The following MACROD1 variants were observed in gnomAD, a reference collection of about 807,000 sequenced individuals.
The protein encoded by MACROD1 is ADP-ribose glycohydrolase MACROD1.
In MACROD1, 31 loss-of-function variants were observed where a neutral mutation model predicts 41.4. The observed-to-expected ratio is 0.75, with a 90% confidence interval of 0.56 to 1.01. MACROD1 has a LOEUF of 1.01. Among genes scored for constraint, MACROD1 ranks in the 50% least tolerant of loss-of-function variants. The pLI is 0.00. For synonymous variants in MACROD1, 252 were observed against 203.4 expected (o/e 1.24, Z -2.03); for missense variants, 473 against 460.0 (o/e 1.03, Z -0.26).
rs1022238367 is a variant in MACROD1, at chr11:64,153,392, C to T, written c.299-999G>A. Among the ~76,000 whole-genome samples the T allele has an allele frequency of 7.9e-5, 12 of 152,128 alleles. 1 individual carries two copies. The highest frequency in any genetic ancestry group is 3.9e-4 in the East Asian group (2 of 5,182). On this transcript the variant is annotated intron_variant, in intron 1 of 10. Coordinates refer to ENST00000255681, the MANE Select transcript of MACROD1 (RefSeq NM_014067.4). ...AAAAGCATCAAAAAATATGTAGAGGCGGGAGAGCAATTAGAGGAGGTGGTG... is the reference window on the plus strand; with the variant it reads ...AAAAGCATCAAAAAATATGTAGAGGTGGGAGAGCAATTAGAGGAGGTGGTG...
intron 4 of MACROD1, among the ~76,000 whole-genome samples, chr11:64,010,921 A>G (rs1268208035): frequency 5.9e-4 from 35 of 59,226 alleles, no homozygotes; most frequent in East Asian, 1.6e-3. Flanking sequence ...GGTGTTGGCC[A>G]GGGTGTTGGC....
At chr11:64,021,099 G>A (rs569270283) in intron 3 of MACROD1, among the ~76,000 whole-genome samples, 1 of 152,320 alleles carries the variant, frequency 6.6e-6, no homozygotes, top group East Asian at 1.9e-4. Context: ...CACAGCGCCT[G>A]GCTCACAGCA....
Position 64,154,760 on chromosome 11 carries a change from G to A in MACROD1, c.299-2367C>T, listed in dbSNP as rs567237203. On this transcript the variant is annotated intron_variant, in intron 1 of 10. Coordinates refer to ENST00000255681, the MANE Select transcript of MACROD1 (RefSeq NM_014067.4). Reference sequence around the variant, plus strand: ...TTTTGAGACGGAGTCTCACTCTGTCGCCCAGGCTGGAGTGCAGTGGCACGA... The same window carrying A: ...TTTTGAGACGGAGTCTCACTCTGTCACCCAGGCTGGAGTGCAGTGGCACGA... 2.8e-4 allele frequency among the ~76,000 whole-genome samples: 43 copies of A among 152,046 alleles called. No homozygotes were observed. In the South Asian group the frequency reaches 3.7e-3, roughly 13 times the overall value.
At position 64,025,993 on chromosome 11, in the gene MACROD1, C is replaced by T. The variant is rs144420008; in HGVS notation, c.518-10712G>A. 5.2e-3 allele frequency among the ~76,000 whole-genome samples: 792 copies of T among 152,246 alleles called. 8 individuals are homozygous for T. Among genetic ancestry groups the T allele is most frequent in the Non-Finnish European group, 9.4e-3 (641 of 68,022 alleles). Reference sequence around the variant, plus strand: ...GTCAAGAGTTCGAGATCAGCCTGGCCAACATGGTGAAACCCCGTCTCTACT... The same window carrying T: ...GTCAAGAGTTCGAGATCAGCCTGGCTAACATGGTGAAACCCCGTCTCTACT... On this transcript the variant is annotated intron_variant, in intron 3 of 10. Transcript: ENST00000255681.
rs992594968 is a variant in MACROD1 at position 64,082,264 on chromosome 11, T to TG, written c.518-66984dup. On this transcript the variant is annotated intron_variant, in intron 3 of 10. Transcript: ENST00000255681. This position sits in a 1 kb window ranked among gnomAD's most constrained non-coding sequence, Gnocchi z 4.5. The stretch of plus-strand genomic sequence containing the variant: ...CTGCTTAGCAGAGGATGGCTGAGCC[T>TG]GGGGGGTGGAGAAAATCTTGCCTCC... 1.3e-4 allele frequency among the ~76,000 whole-genome samples: 20 copies of TG among 151,778 alleles called. No homozygotes were observed. Among genetic ancestry groups the TG allele is most frequent in the African/African-American group, 4.6e-4 (19 of 41,284 alleles).
At chr11:64,101,542 C>T (rs1048613416) in intron 3 of MACROD1, among the ~76,000 whole-genome samples, 11 of 152,196 alleles carry the variant, frequency 7.2e-5, no homozygotes, top group East Asian at 1.9e-4. Flanking sequence ...CCACCCCCAT[C>T]GGTATAAAAC....
Position 64,082,436 on chromosome 11 carries a change from G to C in MACROD1, c.518-67155C>G, listed in dbSNP as rs540415379. ...GCGTCCTAAGGTGAGGGGCAGGCAG[G>C]TGAGGGGCTTGAGGGCAGGGCTGAG... is the stretch of plus-strand genomic sequence containing the variant. On this transcript the variant is annotated intron_variant, in intron 3 of 10. Coordinates refer to ENST00000255681, the MANE Select transcript of MACROD1 (RefSeq NM_014067.4). This position sits in a 1 kb window ranked among gnomAD's most constrained non-coding sequence, Gnocchi z 4.5. Among the ~76,000 whole-genome samples, 1 of 152,182 alleles carries C rather than the reference G, an allele frequency of 6.6e-6. No homozygotes were observed. The highest frequency in any genetic ancestry group is 1.9e-4 in the East Asian group (1 of 5,152).
At position 64,146,633 on chromosome 11, in the gene MACROD1, T is replaced by C. The variant is rs1388101017; in HGVS notation, c.517+4606A>G. Among the ~76,000 whole-genome samples the C allele has an allele frequency of 6.6e-6, 1 of 152,048 alleles. No homozygotes were observed. The highest frequency in any genetic ancestry group is 1.5e-5 in the Non-Finnish European group (1 of 67,998). On this transcript the variant is annotated intron_variant, in intron 3 of 10. Coordinates refer to ENST00000255681, the MANE Select transcript of MACROD1 (RefSeq NM_014067.4). This position sits in a 1 kb window ranked among gnomAD's most constrained non-coding sequence, Gnocchi z 4.7. Reference sequence around the variant, plus strand: ...CCACCCGCCAGCCAGGCATCCCCACTTCTATGCTTCTGCCCAACCTCCCAC... The same window carrying C: ...CCACCCGCCAGCCAGGCATCCCCACCTCTATGCTTCTGCCCAACCTCCCAC...
Position 64,142,566 on chromosome 11 carries a change from C to G in MACROD1, c.517+8673G>C, listed in dbSNP as rs114214103. Among the ~76,000 whole-genome samples, 551 of 152,332 alleles carry G rather than the reference C, an allele frequency of 3.6e-3. 3 individuals are homozygous for G. Among genetic ancestry groups the G allele is most frequent in the African/African-American group, 0.013 (539 of 41,572 alleles). ...CCAGCCAATGCTCCACTCACTGGAC[C>G]AGACCCTGCGAGCCCACAAGGGCAT... On this transcript the variant is annotated intron_variant, in intron 3 of 10. Transcript: ENST00000255681.
At chr11:64,125,095 G>C (rs887443696) in intron 3 of MACROD1, among the ~76,000 whole-genome samples, 1 of 152,182 alleles carries the variant, frequency 6.6e-6, no homozygotes, top group Non-Finnish European at 1.5e-5. Flanking sequence ...CACTGTCACT[G>C]TCCCCTCCCG....
At chr11:64,098,100 C>A (rs1944609252) in intron 3 of MACROD1, among the ~76,000 whole-genome samples, 2 of 152,212 alleles carry the variant, frequency 1.3e-5, no homozygotes, top group Non-Finnish European at 2.9e-5. Flanking sequence ...CTGGTCCTCT[C>A]CTGTGCACCT....
intron 3 of MACROD1, among the ~76,000 whole-genome samples, chr11:64,107,187 GCTTT>G (rs1386639863): frequency 1.3e-5 from 2 of 152,206 alleles, no homozygotes; most frequent in Non-Finnish European, 2.9e-5. Context: ...AGCCCACTGG[GCTTT>G]CTTTTTCCCT....
At chr11:63,999,214 G>GGGAA in intron 8 of MACROD1, 117 bp downstream of exon 8, 1 of 1,404,268 alleles carries the variant, frequency 7.1e-7, no homozygotes. Flanking sequence ...AGGAGAAACA[G>GGGAA]GGAAGGAAGG....
At position 64,041,634 on chromosome 11, in the gene MACROD1, G is replaced by A. The variant is rs549914082; in HGVS notation, c.518-26353C>T. ...GCAGCCAGGACCGAATGACCGCCTC[G>A]GGAGCTGGTGTGGTGGCAGTGGAGG... On this transcript the variant is annotated intron_variant, in intron 3 of 10. Transcript: ENST00000255681. 1.3e-4 allele frequency among the ~76,000 whole-genome samples: 20 copies of A among 152,254 alleles called. No homozygotes were observed. The East Asian group carries it at 2.9e-3, about 22-fold the overall frequency.
intron 3 of MACROD1, among the ~76,000 whole-genome samples, chr11:64,059,830 G>A (rs1943862965): frequency 7.9e-5 from 12 of 152,190 alleles, no homozygotes; most frequent in Admixed American, 7.8e-4. Context: ...ACCCCGAGAG[G>A]CCCGCCCCTA....
At chr11:64,075,722 G>C (rs1349983195) in intron 3 of MACROD1, among the ~76,000 whole-genome samples, 1 of 152,224 alleles carries the variant, frequency 6.6e-6, no homozygotes, top group Non-Finnish European at 1.5e-5. Flanking sequence ...GCCCAGGCTG[G>C]AGCGCAGTGG....
chr11:64,134,048 A>G lies in MACROD1; in HGVS notation c.517+17191T>C, dbSNP rs558244559. On this transcript the variant is annotated intron_variant, in intron 3 of 10. Transcript: ENST00000255681. ...CAGCTATAAAGCCCAAAGTCACCCA[A>G]CCCGGCTAGAATGGATAGGGTAGGA... Among the ~76,000 whole-genome samples the G allele has an allele frequency of 2.0e-5, 3 of 152,344 alleles. No individual in the cohort carries two copies. In the East Asian group the frequency reaches 5.8e-4, roughly 29 times the overall value.
intron 3 of MACROD1, chr11:64,116,948 G>A (rs773116616): frequency 6.2e-7 from 1 of 1,611,540 alleles, no homozygotes; most frequent in South Asian, 1.1e-5. Flanking sequence ...TGCGGCGCCT[G>A]GTGCTGGACG....
chr11:64,165,529 C>CG (rs913818916), intron 1 of MACROD1, among the ~76,000 whole-genome samples, 168 bp downstream of exon 1: 330 of 143,780 alleles, frequency 2.3e-3, no homozygotes, highest in African/African-American at 5.2e-3. Flanking sequence ...CGCGCGGGGG[C>CG]GGGGGGGGCT....
Sources: allele counts gnomAD v4.1 joint callset (sites outside exome capture counted in the v4.1 genomes callset), GRCh38; gene constraint gnomAD v4.1.1; non-coding constraint Gnocchi (gnomAD v3.1); transcripts MANE v1.5; gene names NCBI Gene and HGNC (gene_info 2026-07-23, HGNC 2026-07-21).